The following ADAMTS19 variants were observed in gnomAD, a reference collection of about 807,000 sequenced individuals.
ADAMTS19 encodes A disintegrin and metalloproteinase with thrombospondin motifs 19.
In ADAMTS19, 93 loss-of-function variants were observed where a neutral mutation model predicts 153.3. The ratio of observed to expected loss-of-function variants is 0.61; its 90% CI spans 0.51 to 0.72. The LOEUF is 0.72. ADAMTS19 is among the 30% of genes least tolerant of loss of function. The probability of loss-of-function intolerance (pLI) is 0.00; values close to 1 mark genes in which losing one functional copy is unlikely to be tolerated. For missense variants in ADAMTS19, 1,482 were observed against 1,552.1 expected (o/e 0.95, Z 0.76); for synonymous variants, 600 against 556.6 (o/e 1.08, Z -1.10).
At chr5:129,673,462 T>A (rs555458654) in intron 16 of ADAMTS19, among the ~76,000 whole-genome samples, 12 of 152,154 alleles carry the variant, frequency 7.9e-5, no homozygotes, top group Non-Finnish European at 1.3e-4. Context: ...GTTTTTAAAA[T>A]AGATATATTG....
At chr5:129,680,318 A>G (rs1046867348) in intron 17 of ADAMTS19, among the ~76,000 whole-genome samples, 1 of 152,202 alleles carries the variant, frequency 6.6e-6, no homozygotes, top group East Asian at 1.9e-4. Context: ...AAAACCTTAG[A>G]TAAAATGTTA....
At chr5:129,665,252 T>G (rs562676297) in intron 15 of ADAMTS19, among the ~76,000 whole-genome samples, 102 of 149,844 alleles carry the variant, frequency 6.8e-4, no homozygotes, top group African/African-American at 2.5e-3. Flanking sequence ...ATCAATGAGA[T>G]TTTTTTGTTT....
chr5:129,588,518 A>T (rs1749934443), intron 7 of ADAMTS19, among the ~76,000 whole-genome samples: 1 of 152,082 alleles, frequency 6.6e-6, no homozygotes, highest in Non-Finnish European at 1.5e-5. Flanking sequence ...TCATCTATTG[A>T]ATCTATCAAT....
rs576216067 is a variant in ADAMTS19, at chr5:129,667,407, G to A, written c.2506+1828G>A. Among the ~76,000 whole-genome samples, 7 of 152,222 alleles carry A rather than the reference G, an allele frequency of 4.6e-5. No homozygotes were observed. In the South Asian group the frequency reaches 1.5e-3, roughly 32 times the overall value. On this transcript the variant is annotated intron_variant, in intron 16 of 22. Transcript: ENST00000274487. Reference sequence around the variant, plus strand: ...AGAAATAATAAGTCTGATATAGTTTGGATGTTGTCTCTTCTAAATCTCATG... The same window carrying A: ...AGAAATAATAAGTCTGATATAGTTTAGATGTTGTCTCTTCTAAATCTCATG...
intron 7 of ADAMTS19, among the ~76,000 whole-genome samples, chr5:129,561,868 T>C (rs983077968): frequency 7.0e-6 from 1 of 142,456 alleles, no homozygotes; most frequent in Non-Finnish European, 1.6e-5. Flanking sequence ...ATCTATCTAA[T>C]CTATCTGTTA....
intron 21 of ADAMTS19, among the ~76,000 whole-genome samples, chr5:129,722,072 G>C (rs749737457): frequency 6.6e-6 from 1 of 152,166 alleles, no homozygotes; most frequent in East Asian, 1.9e-4. Flanking sequence ...ATGTGTGTGT[G>C]TATCTTTATA....
chr5:129,501,282 A>G (rs1751096949), intron 2 of ADAMTS19, among the ~76,000 whole-genome samples: 1 of 152,174 alleles, frequency 6.6e-6, no homozygotes, highest in Non-Finnish European at 1.5e-5. Context: ...TGGGGCATCC[A>G]CCACTGAAGG....
intron 20 of ADAMTS19, 147 bp downstream of exon 20, chr5:129,701,739 C>A (rs1293136523): frequency 1.1e-5 from 10 of 895,088 alleles, no homozygotes; most frequent in Non-Finnish European, 1.5e-5. Context: ...GGAATACATT[C>A]AAATAATTTT....
chr5:129,490,371 C>T (rs1488455823), intron 2 of ADAMTS19, among the ~76,000 whole-genome samples: 1 of 152,140 alleles, frequency 6.6e-6, no homozygotes, highest in East Asian at 1.9e-4. Flanking sequence ...TTTCCTATAA[C>T]CTCCAATTTC....
chr5:129,482,300 C>G (rs1484899563), intron 2 of ADAMTS19, among the ~76,000 whole-genome samples: 1 of 152,024 alleles, frequency 6.6e-6, no homozygotes, highest in African/African-American at 2.4e-5. Flanking sequence ...TTCTCTCACC[C>G]AACAAACTTT....
rs143269837 is a variant in ADAMTS19 at position 129,585,580 on chromosome 5, G to A, written c.1373-10979G>A. Among the ~76,000 whole-genome samples, 390 of 152,100 alleles carry A rather than the reference G, an allele frequency of 2.6e-3. 1 individual carries two copies. Among genetic ancestry groups the A allele is most frequent in the African/African-American group, 9.1e-3 (378 of 41,522 alleles). On this transcript the variant is annotated intron_variant, in intron 7 of 22. Transcript: ENST00000274487. ...AATTTGGGGAGATATTAACATTAATGTTTTATGTATTCAATATTTGTTTAT... is the reference window on the plus strand; with the variant it reads ...AATTTGGGGAGATATTAACATTAATATTTTATGTATTCAATATTTGTTTAT...
intron 16 of ADAMTS19, among the ~76,000 whole-genome samples, chr5:129,674,443 T>A (rs1407521066): frequency 6.6e-6 from 1 of 152,234 alleles, no homozygotes; most frequent in Non-Finnish European, 1.5e-5. Context: ...ATTTGTTTTC[T>A]ATTTGTTCCA....
At chr5:129,502,907 G>A (rs775046805) in intron 2 of ADAMTS19, among the ~76,000 whole-genome samples, 1 of 152,162 alleles carries the variant, frequency 6.6e-6, no homozygotes, top group African/African-American at 2.4e-5. Flanking sequence ...ACATATTAGT[G>A]CAACAACAGA....
chr5:129,486,922 A>G (rs545564218), intron 2 of ADAMTS19, among the ~76,000 whole-genome samples: 1 of 152,292 alleles, frequency 6.6e-6, no homozygotes, highest in East Asian at 1.9e-4. Context: ...ACAGGATGCA[A>G]TGCCGGTTCA....
chr5:129,659,010 T>A (rs1331063009), intron 15 of ADAMTS19, among the ~76,000 whole-genome samples: 1 of 152,214 alleles, frequency 6.6e-6, no homozygotes, highest in Non-Finnish European at 1.5e-5. Flanking sequence ...GCTAATGTTA[T>A]CAGGTTTCTA....
intron 11 of ADAMTS19, among the ~76,000 whole-genome samples, chr5:129,646,436 A>G (rs1173772433): frequency 6.6e-6 from 1 of 152,224 alleles, no homozygotes; most frequent in Non-Finnish European, 1.5e-5. Context: ...TATATGGTAT[A>G]GTTTTAATTC....
chr5:129,545,944 T>C (rs1581066656), intron 6 of ADAMTS19, among the ~76,000 whole-genome samples: 1 of 149,284 alleles, frequency 6.7e-6, no homozygotes, highest in East Asian at 1.9e-4. Flanking sequence ...CACGTATGTT[T>C]ATTGCGGCAC....
chr5:129,654,192 A>C, intron 13 of ADAMTS19, 114 bp from the exon 14 acceptor site: 1 of 983,428 alleles, frequency 1.0e-6, no homozygotes. Context: ...TACATTACTT[A>C]ATTAGCATTG....
intron 15 of ADAMTS19, among the ~76,000 whole-genome samples, chr5:129,661,718 A>C (rs973937422): frequency 2.0e-5 from 3 of 152,230 alleles, no homozygotes; most frequent in Non-Finnish European, 2.9e-5. Flanking sequence ...CAGAGGAATA[A>C]AAGGCAAATT....
Sources: gnomAD v4.1 joint callset for allele counts (sites outside exome capture counted in the v4.1 genomes callset) on GRCh38, gnomAD v4.1.1 for gene constraint, MANE v1.5 for transcripts, NCBI Gene and HGNC (gene_info 2026-07-23, HGNC 2026-07-21) for gene names.